The following PFKM variants were observed in gnomAD, a reference collection of about 807,000 sequenced individuals.
PFKM encodes the protein phosphofructokinase, muscle.
In PFKM, 58 loss-of-function variants were observed where a neutral mutation model predicts 95.5. That is an observed-to-expected ratio of 0.61 (90% confidence interval 0.49 to 0.76). The LOEUF is 0.76. PFKM is among the 30% of genes least tolerant of loss of function. PFKM has a pLI of 0.00. For synonymous variants in PFKM, 336 were observed against 357.2 expected (o/e 0.94, Z 0.67); for missense variants, 678 against 1,005.4 (o/e 0.67, Z 4.40).
At chr12:48,142,985 T>C (rs1300524863) in intron 18 of PFKM, 39 bp downstream of exon 18, 2 of 1,589,338 alleles carry the variant, frequency 1.3e-6, no homozygotes, top group Non-Finnish European at 1.7e-6. Context: ...AGCTCTCCCC[T>C]GTCTCCAGAC....
intron 2 of PFKM, chr12:48,108,052 C>G: frequency 6.3e-7 from 1 of 1,598,938 alleles, no homozygotes; most frequent in Non-Finnish European, 8.5e-7. Flanking sequence ...TGAGGGTGAC[C>G]TAAAGCTATT....
chr12:48,145,494 T>C lies in PFKM; in HGVS notation c.2199-70T>C. 6.3e-7 allele frequency: 1 copy of C among 1,577,356 alleles called. No individual in the cohort carries two copies. ...TAACCTCTTCTGTCTAACTTCTTCCTATAAACCTTTGGTAGAAGTTGATTG... is the reference window on the plus strand; with the variant it reads ...TAACCTCTTCTGTCTAACTTCTTCCCATAAACCTTTGGTAGAAGTTGATTG... On this transcript the variant is annotated intron_variant, in intron 22 of 22. Coordinates refer to ENST00000359794, the MANE Select transcript of PFKM (RefSeq NM_000289.6). The surrounding 1 kb of genome is among the most constrained non-coding windows in gnomAD (Gnocchi z 4.3).
intron 14 of PFKM, 34 bp from the exon 15 acceptor site, chr12:48,141,277 G>T: frequency 6.2e-7 from 1 of 1,602,052 alleles, no homozygotes; most frequent in Non-Finnish European, 8.6e-7. Context: ...TAGTGCTTTA[G>T]CCTTGTGCAG....
chr12:48,140,529 A>G (rs1360240076), intron 13 of PFKM, among the ~76,000 whole-genome samples, 193 bp from the exon 14 acceptor site: 3 of 152,170 alleles, frequency 2.0e-5, no homozygotes, highest in Non-Finnish European at 4.4e-5. Context: ...GTGATCAAGA[A>G]TTTTGCTTCC....
chr12:48,110,429 T>G (rs1169263050), intron 3 of PFKM, among the ~76,000 whole-genome samples: 1 of 152,074 alleles, frequency 6.6e-6, no homozygotes, highest in African/African-American at 2.4e-5. Context: ...ATTGGAGAGG[T>G]ACGAGGGTAG....
Position 48,133,421 on chromosome 12 carries a change from T to C in PFKM, c.534T>C (p.Thr178=), listed in dbSNP as rs146157053. ...GTGGCACCGATATGACCATTGGCAC[T>C]GACTCTGCCCTGCATCGGATCATGG... The part of the protein sequence containing the change: ...DFCGTDMTIG[T]DSALHRIMEI... The change falls in exon 6 of 23, where the codon ACT becomes ACC. Residue 178 remains threonine (T), a synonymous_variant. Coordinates refer to ENST00000359794, the MANE Select transcript of PFKM (RefSeq NM_000289.6). 2.5e-6 allele frequency: 4 copies of C among 1,614,162 alleles called. No homozygotes were observed. Among genetic ancestry groups the C allele is most frequent in the Non-Finnish European group, 3.4e-6 (4 of 1,179,972 alleles).
At chr12:48,133,556 A>G in intron 6 of PFKM, 76 bp downstream of exon 6, 8 of 1,363,658 alleles carry the variant, frequency 5.9e-6, no homozygotes, top group Non-Finnish European at 8.4e-6. Context: ...GCTCCTGAAG[A>G]CTAAAGCGTT....
chr12:48,128,259 G>GTCTCTCTC lies in PFKM; in HGVS notation c.86-2090_86-2083dup, dbSNP rs112898503. 4.3e-3 allele frequency among the ~76,000 whole-genome samples: 652 copies of GTCTCTCTC among 149,980 alleles called. 7 individuals carry two copies. Among genetic ancestry groups the GTCTCTCTC allele is most frequent in the African/African-American group, 0.015 (607 of 40,914 alleles). On this transcript the variant is annotated intron_variant, in intron 2 of 22. Transcript: ENST00000359794. ...TTTGTCCCTGTTTCGACTGTACTTT[G>GTCTCTCTC]TCTCTCTCTCTCTCTCTCTCTTTTT...
At chr12:48,106,457 G>C in intron 1 of PFKM, 1 of 376,758 alleles carries the variant, frequency 2.7e-6, no homozygotes, top group Non-Finnish European at 4.8e-6. Context: ...GCGGAAACCT[G>C]TGGCTTCCCC....
chr12:48,112,262 A>T (rs993598625), intron 3 of PFKM, among the ~76,000 whole-genome samples: 1 of 152,224 alleles, frequency 6.6e-6, no homozygotes, highest in African/African-American at 2.4e-5. Flanking sequence ...GTGAGTTTAT[A>T]TAATGGTTTA....
Position 48,112,512 on chromosome 12 carries a change from A to G in PFKM, c.205+4318A>G, listed in dbSNP as rs1179974382. 2.6e-5 allele frequency among the ~76,000 whole-genome samples: 4 copies of G among 152,312 alleles called. No homozygotes were observed. The East Asian group carries it at 7.7e-4, about 29-fold the overall frequency. On this transcript the variant is annotated intron_variant, in intron 3 of 24. Coordinates refer to the PFKM transcript ENST00000340802. ...GCCTTGTGGCAGTACAGCCCAGGTA[A>G]TTTGCTGAGCCTGATGGGTGTCAGG...
intron 1 of PFKM, chr12:48,106,361 A>C: frequency 2.1e-6 from 1 of 471,380 alleles, no homozygotes; most frequent in South Asian, 3.2e-5. Flanking sequence ...CTGCTCCCTT[A>C]CCCGCCGCCT....
At chr12:48,110,735 T>A (rs1947106460) in intron 3 of PFKM, among the ~76,000 whole-genome samples, 1 of 152,216 alleles carries the variant, frequency 6.6e-6, no homozygotes, top group Non-Finnish European at 1.5e-5. Context: ...TATATTTCTT[T>A]CTTGTCTCTT....
intron 3 of PFKM, 30 bp from the exon 4 acceptor site, chr12:48,131,286 C>T (rs573702755): frequency 2.8e-5 from 42 of 1,485,136 alleles, no homozygotes; most frequent in Middle Eastern, 1.7e-4. Flanking sequence ...AGAAGCCTAA[C>T]GGGCTGAACA....
At chr12:48,114,684 T>A (rs962223042), upstream of PFKM, among the ~76,000 whole-genome samples, 2 of 151,996 alleles carry the variant, frequency 1.3e-5, no homozygotes, top group Middle Eastern at 6.8e-3. Flanking sequence ...TTGGGACGAG[T>A]TGCATTGGGA....
At position 48,145,968 on chromosome 12, in the gene PFKM, T is replaced by C. The variant is rs1951011747; in HGVS notation, c.*260T>C. On this transcript the variant is annotated 3_prime_UTR_variant, in exon 23 of 23. Coordinates refer to ENST00000359794, the MANE Select transcript of PFKM (RefSeq NM_000289.6). This position sits in a 1 kb window ranked among gnomAD's most constrained non-coding sequence, Gnocchi z 4.3. ...GCACCTCTAGTGCTACTGCTAGATA[T>C]CACTTACTCAGTTAGAATTTTCCTA... The C allele has an allele frequency of 2.0e-6, 1 of 497,104 alleles. No homozygotes were observed. The highest frequency in any genetic ancestry group is 3.6e-6 in the Non-Finnish European group (1 of 276,528). 30.8% of individuals were successfully genotyped at this position (497,104 alleles called of 1,614,324 possible).
Position 48,107,932 on chromosome 12 carries a change from A to G in PFKM, c.83-140A>G, listed in dbSNP as rs1346394082. 6 of 709,088 alleles carry G rather than the reference A, an allele frequency of 8.5e-6. No individual in the cohort carries two copies. In the East Asian group the frequency reaches 1.0e-4, roughly 12 times the overall value. The allele number at this position is 709,088 out of a possible 1,614,324, so 43.9% of individuals were successfully genotyped here. ...AGGGAATAGAATCTTTTTGAGGTAC[A>G]TCGCGTCTCTAATTTTTCACTGGAT... is the stretch of plus-strand genomic sequence containing the variant. On this transcript the variant is annotated intron_variant, in intron 2 of 24. Coordinates refer to the PFKM transcript ENST00000340802.
At chr12:48,139,611 G>A in intron 12 of PFKM, 1 of 620,448 alleles carries the variant, frequency 1.6e-6, no homozygotes, top group Middle Eastern at 4.3e-4. Context: ...GTTCCTCTAG[G>A]CAAGGGACAG....
At chr12:48,115,563 G>A (rs367665345), upstream of PFKM, among the ~76,000 whole-genome samples, 27 of 152,268 alleles carry the variant, frequency 1.8e-4, no homozygotes, top group East Asian at 3.9e-4. Flanking sequence ...GTGGAATGTC[G>A]TCAGTTAAGG....
Sources: gnomAD v4.1 joint callset for allele counts (sites outside exome capture counted in the v4.1 genomes callset) on GRCh38, gnomAD v4.1.1 for gene constraint, Gnocchi (gnomAD v3.1) non-coding constraint, MANE v1.5 for transcripts, NCBI Gene and HGNC (gene_info 2026-07-23, HGNC 2026-07-21) for gene names.